PCDHGA1: variants seen among roughly 807,000 people sequenced by gnomAD.
PCDHGA1 encodes the protein protocadherin gamma subfamily A, 1, also known as protocadherin gamma-A1.
In PCDHGA1, 32 loss-of-function variants were observed where a neutral mutation model predicts 58.0. The observed-to-expected ratio is 0.55, with a 90% CI of 0.42 to 0.74. The LOEUF is 0.74. Among genes scored for constraint, PCDHGA1 ranks in the 30% least tolerant of loss-of-function variants. PCDHGA1 has a pLI of 0.00. For missense variants in PCDHGA1, 1,205 were observed against 1,182.3 expected (o/e 1.02, Z -0.28); for synonymous variants, 498 against 501.1 (o/e 0.99, Z 0.08).
chr5:141,383,346 G>A, intron 1 of PCDHGA1: 3 of 1,614,018 alleles, frequency 1.9e-6, no homozygotes, highest in Non-Finnish European at 2.5e-6. Context: ...CAGCTCCTGG[G>A]GTTCGGTTTC....
intron 1 of PCDHGA1, among the ~76,000 whole-genome samples, chr5:141,407,384 G>A (rs911492449): frequency 1.3e-5 from 2 of 152,182 alleles, no homozygotes; most frequent in Non-Finnish European, 2.9e-5. Flanking sequence ...AGGCTTGTAT[G>A]TCATGGTAGG....
In PCDHGA1 at chr5:141,362,265, A is replaced by G. The variant is rs1450907640; in HGVS notation, c.2421+29160A>G. The G allele has an allele frequency of 4.3e-6, 7 of 1,613,868 alleles. No homozygotes were observed. The Admixed American group carries it at 6.7e-5, about 15-fold the overall frequency. On this transcript the variant is annotated intron_variant, in intron 1 of 3. Transcript: ENST00000517417. ...TCTTCTTCCTCGCGGTGATTCTGGCAATCTCCCTGCGCCTGCGACTCTCTT... is the reference window on the plus strand; with the variant it reads ...TCTTCTTCCTCGCGGTGATTCTGGCGATCTCCCTGCGCCTGCGACTCTCTT...
At position 141,422,383 on chromosome 5, in the gene PCDHGA1, T is replaced by C. The variant is rs201301291; in HGVS notation, c.2422-72424T>C. On this transcript the variant is annotated intron_variant, in intron 1 of 3. Transcript: ENST00000517417. ...TGGAGAAAATGGTCAAGTCTCCTGT[T>C]TTATTCCTAACCACCTGCCTTTTAA... 554 of 1,586,008 alleles carry C rather than the reference T, an allele frequency of 3.5e-4. 2 individuals are homozygous for C. The African/African-American group carries it at 6.9e-3, about 20-fold the overall frequency.
chr5:141,505,155 C>T (rs2099844224), intron 2 of PCDHGA1, among the ~76,000 whole-genome samples: 1 of 152,162 alleles, frequency 6.6e-6, no homozygotes, highest in Non-Finnish European at 1.5e-5. Context: ...GAGTAAGACC[C>T]TGTCTAAAAC....
At chr5:141,479,986 C>T (rs2099510881) in intron 1 of PCDHGA1, among the ~76,000 whole-genome samples, 1 of 152,200 alleles carries the variant, frequency 6.6e-6, no homozygotes, top group Non-Finnish European at 1.5e-5. Flanking sequence ...CATTTACCAA[C>T]TAGGAGTCTG....
intron 1 of PCDHGA1, chr5:141,478,043 A>G (rs1399496347): frequency 7.4e-6 from 12 of 1,613,710 alleles, no homozygotes; most frequent in Non-Finnish European, 1.0e-5. Flanking sequence ...ACCCAGGCAG[A>G]CTCTCACGGT....
At chr5:141,352,519 C>G (rs1338121700) in intron 1 of PCDHGA1, 2 of 1,613,892 alleles carry the variant, frequency 1.2e-6, no homozygotes, top group Non-Finnish European at 1.7e-6. Context: ...TATGTATTGC[C>G]TCTCATTCTG....
intron 1 of PCDHGA1, chr5:141,365,375 C>T (rs752434944): frequency 5.0e-6 from 8 of 1,613,824 alleles, no homozygotes; most frequent in African/African-American, 4.0e-5. Flanking sequence ...CGAAGTGATC[C>T]TCACCTCTCT....
chr5:141,332,683 A>G lies in PCDHGA1; in HGVS notation c.1999A>G (p.Arg667Gly). ...CACGCTCACCGTGGCCGTGGCCGAC[A>G]GGATCTCCGACATCCTGGCCGACCT... Reference protein sequence around the residue: ...TVTLTVAVADRISDILADLGS... With the variant: ...TVTLTVAVADGISDILADLGS... The change falls in exon 1 of 4, where the codon AGG (arginine) becomes GGG (glycine). Residue 667 changes from arginine to glycine, a missense_variant. Coordinates refer to ENST00000517417, the MANE Select transcript of PCDHGA1 (RefSeq NM_018912.3). The surrounding 1 kb of genome is among the most constrained non-coding windows in gnomAD (Gnocchi z 4.6). 6.2e-7 allele frequency: 1 copy of G among 1,613,794 alleles called. No individual in the cohort carries two copies. The highest frequency in any genetic ancestry group is 8.5e-7 in the Non-Finnish European group (1 of 1,179,940).
intron 1 of PCDHGA1, chr5:141,370,727 A>G: frequency 6.2e-7 from 1 of 1,613,856 alleles, no homozygotes; most frequent in Non-Finnish European, 8.5e-7. Context: ...TGGTTGCTGA[A>G]AAGCCTTTAA....
At chr5:141,445,294 T>G (rs1012635904) in intron 1 of PCDHGA1, among the ~76,000 whole-genome samples, 2 of 152,238 alleles carry the variant, frequency 1.3e-5, no homozygotes. Flanking sequence ...CAGGCTTCCA[T>G]TCTCTTCAGT....
intron 1 of PCDHGA1, chr5:141,424,504 G>GT (rs892941709): frequency 6.6e-6 from 1 of 152,016 alleles, no homozygotes; most frequent in African/African-American, 2.4e-5. Context: ...TGTATGGAAG[G>GT]TTTTTTAATG....
At position 141,405,389 on chromosome 5, in the gene PCDHGA1, T is replaced by C. The variant is rs577174600; in HGVS notation, c.2421+72284T>C. ...CCCTTTGGTTCCGGTGAGTTCATTT[T>C]TTTTCTTTCTTTCTTTTCTTTTTTT... On this transcript the variant is annotated intron_variant, in intron 1 of 3. Transcript: ENST00000517417. The C allele has an allele frequency of 2.5e-6, 4 of 1,600,534 alleles. No individual in the cohort carries two copies. The East Asian group carries it at 6.7e-5, about 27-fold the overall frequency.
Position 141,371,577 on chromosome 5 carries a change from G to A in PCDHGA1, c.2421+38472G>A, listed in dbSNP as rs202142331. The A allele has an allele frequency of 9.5e-4, 1,537 of 1,613,860 alleles. 3 individuals carry two copies. The highest frequency in any genetic ancestry group is 1.3e-3 in the Middle Eastern group (8 of 6,062). On this transcript the variant is annotated intron_variant, in intron 1 of 3. Transcript: ENST00000517417. The stretch of plus-strand genomic sequence containing the variant: ...AAAAGGAAACTTCCCCTTTAAAATC[G>A]TTCAAGATACCAAAAACACATACAG...
At chr5:141,383,558 C>A (rs374657057) in intron 1 of PCDHGA1, 1 of 1,612,822 alleles carries the variant, frequency 6.2e-7, no homozygotes, top group Admixed American at 1.7e-5. Flanking sequence ...GGCGGCGACC[C>A]GCCCCGATCC....
chr5:141,343,322 T>TG, intron 1 of PCDHGA1: 1 of 979,650 alleles, frequency 1.0e-6, no homozygotes, highest in Non-Finnish European at 1.2e-6. Flanking sequence ...TGTGTGTTTC[T>TG]TTTCTTTTTT....
chr5:141,362,108 C>A, intron 1 of PCDHGA1: 4 of 1,613,972 alleles, frequency 2.5e-6, no homozygotes, highest in Non-Finnish European at 3.4e-6. Context: ...TCCGCTACGG[C>A]CACGCTGCAC....
At chr5:141,413,199 A>T in intron 1 of PCDHGA1, 1 of 1,611,930 alleles carries the variant, frequency 6.2e-7, no homozygotes, top group Non-Finnish European at 8.5e-7. Flanking sequence ...GGAATCGCTC[A>T]AAGGAATCAA....
chr5:141,458,848 T>C (rs1044462303), intron 1 of PCDHGA1, among the ~76,000 whole-genome samples: 1 of 152,182 alleles, frequency 6.6e-6, no homozygotes, highest in Non-Finnish European at 1.5e-5. Flanking sequence ...TCCTCCCACC[T>C]CAGCCTTCCA....
Sources: allele counts gnomAD v4.1 joint callset (sites outside exome capture counted in the v4.1 genomes callset), GRCh38; gene constraint gnomAD v4.1.1; non-coding constraint Gnocchi (gnomAD v3.1); transcripts MANE v1.5; gene names NCBI Gene and HGNC (gene_info 2026-07-23, HGNC 2026-07-21).